ELOVL7: variants seen among roughly 807,000 people sequenced by gnomAD.
The protein encoded by ELOVL7 is ELOVL fatty acid elongase 7, also known as very long chain fatty acid elongase 7.
ELOVL7 carries 27 observed loss-of-function variants against 35.7 expected under a neutral mutation model. That is an observed-to-expected ratio of 0.76 (90% CI 0.56 to 1.04). The LOEUF (loss-of-function observed/expected upper bound fraction) is 1.04, where lower values mean the gene tolerates loss of function less well. Among genes scored for constraint, ELOVL7 ranks in the 50% least tolerant of loss-of-function variants. The pLI is 0.00. For missense variants in ELOVL7, 327 were observed against 340.8 expected (o/e 0.96, Z 0.32); for synonymous variants, 113 against 114.6 (o/e 0.99, Z 0.09).
At chr5:60,834,319 G>T (rs568822285) in intron 1 of ELOVL7, among the ~76,000 whole-genome samples, 2 of 152,004 alleles carry the variant, frequency 1.3e-5, no homozygotes, top group South Asian at 4.1e-4. Flanking sequence ...TTTTGTTTTC[G>T]TATTTTTAGT....
chr5:60,824,941 C>T lies in ELOVL7; in HGVS notation c.-86+19219G>A, dbSNP rs1746084857. On this transcript the variant is annotated intron_variant, in intron 1 of 8. Coordinates refer to ENST00000508821, the MANE Select transcript of ELOVL7 (RefSeq NM_024930.3). ...CCCTGACTACCTCTCTGACCTCTGA[C>T]CTTTCCTTCTTCTCACTTCTTTTTT... 2.0e-5 allele frequency among the ~76,000 whole-genome samples: 3 copies of T among 151,216 alleles called. No individual in the cohort carries two copies. In the South Asian group the frequency reaches 6.3e-4, roughly 32 times the overall value.
At chr5:60,782,975 A>G (rs1227603096) in intron 3 of ELOVL7, among the ~76,000 whole-genome samples, 1 of 152,234 alleles carries the variant, frequency 6.6e-6, no homozygotes, top group Admixed American at 6.5e-5. Context: ...GGTGATGGAT[A>G]TGCTATTTGG....
intron 1 of ELOVL7, among the ~76,000 whole-genome samples, chr5:60,803,679 C>T (rs1744769932): frequency 6.6e-6 from 1 of 152,100 alleles, no homozygotes; most frequent in Non-Finnish European, 1.5e-5. Flanking sequence ...ATATCACTTC[C>T]ATGAACTCAT....
intron 1 of ELOVL7, among the ~76,000 whole-genome samples, chr5:60,802,148 G>C (rs1744682685): frequency 7.5e-6 from 1 of 133,862 alleles, no homozygotes; most frequent in Non-Finnish European, 1.6e-5. Context: ...ATATCCTATT[G>C]GTTCTGTCCC....
chr5:60,822,047 G>C (rs1209035523), intron 1 of ELOVL7, among the ~76,000 whole-genome samples: 1 of 152,232 alleles, frequency 6.6e-6, no homozygotes, highest in Non-Finnish European at 1.5e-5. Flanking sequence ...TGGGAATGTT[G>C]TTTGCTGCCT....
chr5:60,820,483 T>A (rs1745818397), intron 1 of ELOVL7, among the ~76,000 whole-genome samples: 1 of 152,244 alleles, frequency 6.6e-6, no homozygotes, highest in Non-Finnish European at 1.5e-5. Context: ...CTGTTCCACA[T>A]GCCAGGCCCT....
At chr5:60,843,114 G>C (rs541228362) in intron 1 of ELOVL7, among the ~76,000 whole-genome samples, 1 of 152,312 alleles carries the variant, frequency 6.6e-6, no homozygotes, top group South Asian at 2.1e-4. Context: ...AGAGCACAGG[G>C]TTAAGTGAAC....
At chr5:60,822,701 C>A (rs370892464) in intron 1 of ELOVL7, among the ~76,000 whole-genome samples, 1 of 151,976 alleles carries the variant, frequency 6.6e-6, no homozygotes, top group Non-Finnish European at 1.5e-5. Context: ...TAAAGACAAA[C>A]GCCTGGAGAA....
intron 1 of ELOVL7, among the ~76,000 whole-genome samples, chr5:60,841,881 G>A (rs1747195467): frequency 6.6e-6 from 1 of 152,126 alleles, no homozygotes; most frequent in Admixed American, 6.5e-5. Context: ...ACAATGGAGT[G>A]AACACAGGCT....
At chr5:60,772,713 AC>A (rs1247873489) in intron 3 of ELOVL7, among the ~76,000 whole-genome samples, 1 of 152,198 alleles carries the variant, frequency 6.6e-6, no homozygotes, top group African/African-American at 2.4e-5. Context: ...ACCCAAGGAT[AC>A]AGTCTTCATG....
intron 1 of ELOVL7, among the ~76,000 whole-genome samples, chr5:60,813,441 CA>C (rs566521078): frequency 1.1e-3 from 163 of 152,244 alleles, no homozygotes; most frequent in Non-Finnish European, 2.0e-3. Flanking sequence ...CCACTTTCAT[CA>C]CCTTTTCCCC....
intron 1 of ELOVL7, among the ~76,000 whole-genome samples, chr5:60,819,740 C>T (rs779470091): frequency 6.6e-6 from 1 of 151,990 alleles, no homozygotes; most frequent in Non-Finnish European, 1.5e-5. Flanking sequence ...GAGCCAAGAT[C>T]GAGCCACCGC....
intron 1 of ELOVL7, among the ~76,000 whole-genome samples, chr5:60,843,929 G>T (rs1023540768): frequency 2.0e-5 from 3 of 152,068 alleles, no homozygotes; most frequent in Non-Finnish European, 2.9e-5. Context: ...CTCCCCACGC[G>T]CAGGCAGCGG....
At chr5:60,759,158 TAAGTA>T (rs1217325297) in intron 7 of ELOVL7, among the ~76,000 whole-genome samples, 2 of 152,192 alleles carry the variant, frequency 1.3e-5, no homozygotes, top group Non-Finnish European at 2.9e-5. Flanking sequence ...TTTAAGCAGT[TAAGTA>T]TTCTCCCAAA....
At chr5:60,823,191 A>AG (rs1456974219) in intron 1 of ELOVL7, among the ~76,000 whole-genome samples, 2 of 152,122 alleles carry the variant, frequency 1.3e-5, no homozygotes, top group Non-Finnish European at 2.9e-5. Flanking sequence ...GGAGAAAATG[A>AG]GGGGGATGGT....
At chr5:60,819,860 T>C (rs1745785845) in intron 1 of ELOVL7, among the ~76,000 whole-genome samples, 1 of 152,164 alleles carries the variant, frequency 6.6e-6, no homozygotes, top group African/African-American at 2.4e-5. Flanking sequence ...ACTATTGTAG[T>C]AGACAAAATG....
chr5:60,773,224 C>T (rs1742703401), intron 3 of ELOVL7, among the ~76,000 whole-genome samples: 1 of 152,302 alleles, frequency 6.6e-6, no homozygotes, highest in Non-Finnish European at 1.5e-5. Flanking sequence ...GAAGTAAGGA[C>T]AAGTTCCCAG....
At chr5:60,793,491 ATACACAGAGCCCTGGAAACAT>A (rs1744064660) in intron 2 of ELOVL7, among the ~76,000 whole-genome samples, 1 of 152,186 alleles carries the variant, frequency 6.6e-6, no homozygotes, top group Non-Finnish European at 1.5e-5. Flanking sequence ...TGGGGGTAGC[ATACACAGAGCCCTGGAAACAT>A]TAAAGTTCAA....
intron 6 of ELOVL7, among the ~76,000 whole-genome samples, chr5:60,765,489 C>T (rs1047474167): frequency 3.3e-5 from 5 of 152,248 alleles, no homozygotes; most frequent in Non-Finnish European, 5.9e-5. Flanking sequence ...GTTGTTTTCC[C>T]TAATGCAATT....
Sources: gnomAD v4.1 joint callset for allele counts (sites outside exome capture counted in the v4.1 genomes callset) on GRCh38, gnomAD v4.1.1 for gene constraint, MANE v1.5 for transcripts, NCBI Gene and HGNC (gene_info 2026-07-23, HGNC 2026-07-21) for gene names.